Variants in DNAH14 observed in about 807,000 individuals in gnomAD.
DNAH14 encodes dynein axonemal heavy chain 14, also known as axonemal beta dynein heavy chain 14.
Under a neutral mutation model 520.9 loss-of-function variants are expected in DNAH14, and 478 were observed. The observed-to-expected ratio is 0.92, with a 90% CI of 0.85 to 0.99. DNAH14 has a LOEUF of 0.99. Ranked by LOEUF, DNAH14 falls within the 50% of genes least tolerant of loss-of-function variation. DNAH14 has a pLI of 0.00. For synonymous variants in DNAH14, 1,581 were observed against 1,757.2 expected (o/e 0.90, Z 2.51); for missense variants, 4,831 against 5,234.5 (o/e 0.92, Z 2.38).
intron 58 of DNAH14, among the ~76,000 whole-genome samples, chr1:225,306,889 T>A (rs910160114): frequency 7.9e-5 from 12 of 152,146 alleles, no homozygotes; most frequent in Admixed American, 7.2e-4. Flanking sequence ...TCTTCTTTGC[T>A]ACTTGGAAAT....
At chr1:225,302,759 T>G (rs184719466) in intron 56 of DNAH14, among the ~76,000 whole-genome samples, 1 of 152,324 alleles carries the variant, frequency 6.6e-6, no homozygotes, top group East Asian at 1.9e-4. Flanking sequence ...TGCTCTACTC[T>G]TATTGTCAGT....
At chr1:225,059,220 T>C (rs2069621622) in intron 17 of DNAH14, among the ~76,000 whole-genome samples, 2 of 152,344 alleles carry the variant, frequency 1.3e-5, no homozygotes, top group South Asian at 4.1e-4. Flanking sequence ...CTGTATTGGC[T>C]GCATAGATAT....
chr1:225,102,263 G>A (rs2075558963), intron 23 of DNAH14, among the ~76,000 whole-genome samples: 1 of 151,916 alleles, frequency 6.6e-6, no homozygotes, highest in Non-Finnish European at 1.5e-5. Flanking sequence ...GTATATATGT[G>A]CCACATTTTC....
At chr1:225,066,729 A>T (rs997887852) in intron 17 of DNAH14, among the ~76,000 whole-genome samples, 1 of 151,756 alleles carries the variant, frequency 6.6e-6, no homozygotes, top group Non-Finnish European at 1.5e-5. Flanking sequence ...GCTCCCACTT[A>T]TAAGTGAGAA....
At chr1:225,234,405 G>T (rs1085182) in intron 42 of DNAH14, among the ~76,000 whole-genome samples, 30,128 of 151,998 alleles carry the variant, frequency 0.2, 3,130 homozygotes, top group East Asian at 0.37. Flanking sequence ...AGCCAGGATG[G>T]TCTCCATCTC....
In DNAH14 at chr1:225,382,124, A is replaced by C. The variant is rs551187459; in HGVS notation, c.13077+545A>C. Among the ~76,000 whole-genome samples, 3 of 152,338 alleles carry C rather than the reference A, an allele frequency of 2.0e-5. No individual in the cohort carries two copies. The South Asian group carries it at 6.2e-4, about 32-fold the overall frequency. On this transcript the variant is annotated intron_variant, in intron 81 of 85. Transcript: ENST00000682510. ...TTTCCAGAACCCTGAATCCTATACC[A>C]GATTGAAAACCTGTGTAGACATGTG...
intron 6 of DNAH14, chr1:224,967,892 T>C: frequency 8.0e-7 from 1 of 1,253,232 alleles, no homozygotes; most frequent in Non-Finnish European, 1.0e-6. Flanking sequence ...ATGGGAACTA[T>C]AATAATAAAG....
At chr1:225,291,501 C>T (rs548604465) in intron 55 of DNAH14, among the ~76,000 whole-genome samples, 6 of 152,166 alleles carry the variant, frequency 3.9e-5, no homozygotes, top group Admixed American at 2.0e-4. Context: ...ACTGAAGCCC[C>T]GACCTCCGAG....
intron 37 of DNAH14, among the ~76,000 whole-genome samples, chr1:225,187,233 G>A (rs2084870976): frequency 6.6e-6 from 1 of 151,678 alleles, no homozygotes; most frequent in Non-Finnish European, 1.5e-5. Context: ...ACAATGTTAT[G>A]CAATTACTAC....
At chr1:225,270,513 G>C (rs2093285138) in intron 49 of DNAH14, among the ~76,000 whole-genome samples, 1 of 152,016 alleles carries the variant, frequency 6.6e-6, no homozygotes, top group Admixed American at 6.6e-5. Context: ...CATTTAGAAA[G>C]CCTTCAAGAA....
intron 43 of DNAH14, among the ~76,000 whole-genome samples, chr1:225,246,470 A>C (rs1190809582): frequency 6.6e-6 from 1 of 152,212 alleles, no homozygotes; most frequent in African/African-American, 2.4e-5. Flanking sequence ...AAATTTTGCG[A>C]TCTATCCATC....
chr1:225,100,718 TC>T lies in DNAH14; in HGVS notation c.3704del (p.Pro1235GlnfsTer10), dbSNP rs1397245937. The T allele has an allele frequency of 6.7e-7, 1 of 1,497,826 alleles. No homozygotes were observed. Among genetic ancestry groups the T allele is most frequent in the East Asian group, 2.5e-5 (1 of 39,782 alleles). 92.8% of individuals were successfully genotyped at this position (1,497,826 alleles called of 1,614,324 possible). On this transcript the variant is annotated frameshift_variant, in exon 23 of 86. Transcript: ENST00000682510. LOFTEE classifies it high-confidence loss of function. ...VFHSSEIRRQ[L>X]PAETELFSQV... ...ATCTAATTTTTTTTCTAAAGGCAAC[TC>T]CCAGCAGAAACAGAACTTTTCTCTC...
At chr1:225,201,979 G>T (rs1010325435) in intron 38 of DNAH14, among the ~76,000 whole-genome samples, 2 of 149,226 alleles carry the variant, frequency 1.3e-5, no homozygotes, top group African/African-American at 5.0e-5. Flanking sequence ...AGGTTCAAGC[G>T]ATTCTCCTGC....
intron 8 of DNAH14, among the ~76,000 whole-genome samples, chr1:224,987,113 AG>A (rs2062697725): frequency 1.8e-5 from 2 of 114,276 alleles, no homozygotes; most frequent in East Asian, 3.4e-4. Flanking sequence ...GAGAGGAGAG[AG>A]AGAAAGAGAC....
intron 54 of DNAH14, among the ~76,000 whole-genome samples, chr1:225,288,099 GCA>G (rs2093788659): frequency 6.6e-6 from 1 of 152,086 alleles, no homozygotes; most frequent in South Asian, 2.1e-4. Context: ...ACTGAGGGCT[GCA>G]CATAGTGACG....
At chr1:225,294,809 G>A (rs917578721) in intron 55 of DNAH14, among the ~76,000 whole-genome samples, 3 of 139,402 alleles carry the variant, frequency 2.2e-5, no homozygotes, top group Admixed American at 1.5e-4. Flanking sequence ...GGGTGACAGA[G>A]TGAGACTCCA....
chr1:225,389,923 C>T (rs1390715394), intron 83 of DNAH14, 50 bp downstream of exon 83: 1 of 1,515,222 alleles, frequency 6.6e-7, no homozygotes, highest in Admixed American at 2.0e-5. Context: ...GGCAAGTTTG[C>T]ACTCAGTCCT....
intron 41 of DNAH14, among the ~76,000 whole-genome samples, chr1:225,212,393 T>A (rs2149458230): frequency 6.6e-6 from 1 of 152,312 alleles, no homozygotes. Flanking sequence ...TATAGCAACA[T>A]GATTTATAAT....
At chr1:225,211,096 T>C (rs976627987) in intron 41 of DNAH14, among the ~76,000 whole-genome samples, 5 of 152,062 alleles carry the variant, frequency 3.3e-5, no homozygotes, top group Non-Finnish European at 7.4e-5. Flanking sequence ...ATGCCTCTTC[T>C]CCTCCAAAGG....
Sources: gnomAD v4.1 joint callset for allele counts (sites outside exome capture counted in the v4.1 genomes callset) on GRCh38, gnomAD v4.1.1 for gene constraint, MANE v1.5 for transcripts, NCBI Gene and HGNC (gene_info 2026-07-23, HGNC 2026-07-21) for gene names.